Variants in TAFA4 observed in about 807,000 individuals in gnomAD.
The protein encoded by TAFA4 is chemokine-like protein TAFA-4.
TAFA4 carries 20 observed loss-of-function variants against 21.1 expected under a neutral mutation model. The observed-to-expected ratio is 0.95, with a 90% CI of 0.67 to 1.38. The LOEUF is 1.38. Among genes scored for constraint, TAFA4 ranks in the 40% most tolerant of loss-of-function variants. The pLI is 0.00. For missense variants in TAFA4, 211 were observed against 180.9 expected (o/e 1.17, Z -0.95); for synonymous variants, 71 against 67.4 (o/e 1.05, Z -0.26).
chr3:68,741,398 T>C (rs1431599198), intron 4 of TAFA4, among the ~76,000 whole-genome samples: 1 of 152,212 alleles, frequency 6.6e-6, no homozygotes, highest in Admixed American at 6.5e-5. Context: ...TAGGATTGCT[T>C]CCTTAATTTC....
chr3:68,846,734 C>G (rs1255149861), intron 3 of TAFA4, among the ~76,000 whole-genome samples: 1 of 152,076 alleles, frequency 6.6e-6, no homozygotes, highest in Non-Finnish European at 1.5e-5. Flanking sequence ...GATGTTGATG[C>G]TATTGCTTTG....
intron 1 of TAFA4, among the ~76,000 whole-genome samples, chr3:68,898,940 T>C (rs916589193): frequency 1.3e-5 from 2 of 149,306 alleles, no homozygotes; most frequent in African/African-American, 4.9e-5. Flanking sequence ...AGAAGGGGAA[T>C]TGAAGTAGGG....
intron 1 of TAFA4, among the ~76,000 whole-genome samples, chr3:68,902,863 C>A (rs776033445): frequency 3.3e-5 from 5 of 152,168 alleles, no homozygotes; most frequent in Non-Finnish European, 7.3e-5. Flanking sequence ...AAGTAGCAAT[C>A]AGCAAACAGA....
At chr3:68,887,478 T>C (rs1027238844) in intron 1 of TAFA4, among the ~76,000 whole-genome samples, 5 of 152,104 alleles carry the variant, frequency 3.3e-5, no homozygotes, top group Non-Finnish European at 7.4e-5. Context: ...CTCGCTCCCA[T>C]GACTGCCCCC....
chr3:68,851,622 G>A (rs754521791), intron 3 of TAFA4, among the ~76,000 whole-genome samples: 3 of 152,162 alleles, frequency 2.0e-5, no homozygotes, highest in Non-Finnish European at 4.4e-5. Flanking sequence ...ATACTTGCTA[G>A]GCAAATATTA....
intron 4 of TAFA4, among the ~76,000 whole-genome samples, chr3:68,745,109 G>T (rs959563310): frequency 1.3e-5 from 2 of 152,142 alleles, no homozygotes; most frequent in African/African-American, 4.8e-5. Context: ...TGCAAATTCC[G>T]TTATGAGTTA....
At position 68,821,509 on chromosome 3, in the gene TAFA4, G is replaced by A. The variant is rs1704114076; in HGVS notation, c.130+59221C>T. Among the ~76,000 whole-genome samples, 2 of 64,570 alleles carry A rather than the reference G, an allele frequency of 3.1e-5. 1 individual carries two copies. Among genetic ancestry groups the A allele is most frequent in the South Asian group, 2.2e-3 (2 of 914 alleles). 42.4% of individuals were successfully genotyped at this position (64,570 alleles called of 152,430 possible). A position where few individuals can be genotyped will look rare whatever the true frequency, so the allele number is the denominator to read the frequency against. On this transcript the variant is annotated intron_variant, in intron 3 of 5. Coordinates refer to ENST00000295569, the MANE Select transcript of TAFA4 (RefSeq NM_182522.5). The stretch of plus-strand genomic sequence containing the variant: ...ACTACAGGCGCCCGCCACCTCGCCC[G>A]GCTAATTTTTTGTATTTTTAGTAGA...
chr3:68,886,235 G>C (rs1360634482), intron 1 of TAFA4, among the ~76,000 whole-genome samples: 1 of 152,164 alleles, frequency 6.6e-6, no homozygotes, highest in African/African-American at 2.4e-5. Flanking sequence ...AGTTTGATTA[G>C]AGAACACTTT....
At position 68,770,064 on chromosome 3, in the gene TAFA4, C is replaced by G. The variant is rs182991229; in HGVS notation, c.131-17046G>C. 2.0e-3 allele frequency among the ~76,000 whole-genome samples: 309 copies of G among 152,208 alleles called. 2 individuals are homozygous for G. In the Middle Eastern group the frequency reaches 0.031, roughly 15 times the overall value. ...CCTGCATAGGACTATGCCCAACCTC[C>G]AAGCCAGTCAGGAAATCAGATCCAT... On this transcript the variant is annotated intron_variant, in intron 3 of 5. Coordinates refer to ENST00000295569, the MANE Select transcript of TAFA4 (RefSeq NM_182522.5).
intron 1 of TAFA4, among the ~76,000 whole-genome samples, chr3:68,890,359 C>G (rs1053649957): frequency 1.3e-5 from 2 of 152,134 alleles, no homozygotes; most frequent in Non-Finnish European, 2.9e-5. Context: ...TACATACGTA[C>G]TTAAAAGCCT....
At chr3:68,868,863 G>C (rs909476234) in intron 3 of TAFA4, among the ~76,000 whole-genome samples, 1 of 151,810 alleles carries the variant, frequency 6.6e-6, no homozygotes, top group African/African-American at 2.4e-5. Flanking sequence ...AAAATTAGTA[G>C]AAGGAATGAA....
intron 1 of TAFA4, among the ~76,000 whole-genome samples, chr3:68,888,940 CTG>C (rs1272406462): frequency 2.0e-5 from 3 of 152,166 alleles, no homozygotes; most frequent in Admixed American, 6.5e-5. Context: ...TTAAACCAAA[CTG>C]TGTCACTTCT....
chr3:68,771,287 T>G (rs1702951972), intron 3 of TAFA4, among the ~76,000 whole-genome samples: 1 of 152,238 alleles, frequency 6.6e-6, no homozygotes, highest in South Asian at 2.1e-4. Context: ...TTGAGCTGGT[T>G]AACACAAGCT....
intron 3 of TAFA4, among the ~76,000 whole-genome samples, chr3:68,859,800 C>T (rs1422740634): frequency 1.3e-5 from 2 of 152,108 alleles, no homozygotes; most frequent in African/African-American, 4.8e-5. Flanking sequence ...GTGTTTCAAA[C>T]ACAAATAATG....
chr3:68,805,835 T>C (rs989095936), intron 3 of TAFA4, among the ~76,000 whole-genome samples: 2 of 152,018 alleles, frequency 1.3e-5, no homozygotes, highest in African/African-American at 4.8e-5. Flanking sequence ...GGGATAGTAT[T>C]AGGAGATATA....
At chr3:68,850,365 G>C (rs1035167725) in intron 3 of TAFA4, among the ~76,000 whole-genome samples, 1 of 152,036 alleles carries the variant, frequency 6.6e-6, no homozygotes, top group Non-Finnish European at 1.5e-5. Context: ...CTATCCCCAT[G>C]GAGTATATGT....
intron 1 of TAFA4, among the ~76,000 whole-genome samples, chr3:68,930,524 C>T (rs2090149934): frequency 1.3e-5 from 2 of 152,148 alleles, no homozygotes; most frequent in South Asian, 2.1e-4. Flanking sequence ...TCACGCAAAG[C>T]AGAACAATGA....
intron 3 of TAFA4, among the ~76,000 whole-genome samples, chr3:68,772,281 A>C (rs1702973121): frequency 6.6e-6 from 1 of 152,218 alleles, no homozygotes; most frequent in African/African-American, 2.4e-5. Flanking sequence ...TTCAGGTGTC[A>C]ACTGGATATT....
intron 4 of TAFA4, among the ~76,000 whole-genome samples, chr3:68,749,662 ACC>A (rs2106747767): frequency 6.6e-6 from 1 of 152,332 alleles, no homozygotes; most frequent in East Asian, 1.9e-4. Context: ...TTTATTGAAC[ACC>A]GACTGTTTGC....
Sources: allele counts gnomAD v4.1 joint callset (sites outside exome capture counted in the v4.1 genomes callset), GRCh38; gene constraint gnomAD v4.1.1; transcripts MANE v1.5; gene names NCBI Gene and HGNC (gene_info 2026-07-23, HGNC 2026-07-21).